Variants in RHCG observed in about 807,000 individuals in gnomAD.
The protein encoded by RHCG is Rh family C glycoprotein.
Under a neutral mutation model 55.3 loss-of-function variants are expected in RHCG, and 39 were observed. The observed-to-expected ratio is 0.70, with a 90% confidence interval of 0.55 to 0.92. The LOEUF (loss-of-function observed/expected upper bound fraction) is 0.92, where lower values mean the gene tolerates loss of function less well. Ranked by LOEUF, RHCG falls within the 40% of genes least tolerant of loss-of-function variation. The pLI is 0.00. For missense variants in RHCG, 635 were observed against 627.9 expected (o/e 1.01, Z -0.12); for synonymous variants, 250 against 246.8 (o/e 1.01, Z -0.12).
chr15:89,487,234 G>A (rs1184782677), intron 1 of RHCG, among the ~76,000 whole-genome samples: 1 of 152,178 alleles, frequency 6.6e-6, no homozygotes, highest in Non-Finnish European at 1.5e-5. Context: ...AGGCGCTGGG[G>A]GGGACCCGAG....
intron 1 of RHCG, among the ~76,000 whole-genome samples, chr15:89,491,460 A>G (rs138280228): frequency 4.3e-4 from 65 of 152,318 alleles, no homozygotes; most frequent in African/African-American, 1.5e-3. Context: ...TTCATAAAGT[A>G]TGATGCTACC....
chr15:89,478,412 G>A (rs1449821823), intron 5 of RHCG, among the ~76,000 whole-genome samples: 1 of 152,214 alleles, frequency 6.6e-6, no homozygotes, highest in African/African-American at 2.4e-5. Flanking sequence ...CCTGTACCAG[G>A]TACCGTGCTG....
rs369835791 is a variant in RHCG at position 89,479,256 on chromosome 15, G to A, written c.837+66C>T. Reference sequence around the variant, plus strand: ...TGATCCCCTCAGAGGTGTTGGCAAGGCATGGTGATCAGCGCCCTCCAGGCC... The same window carrying A: ...TGATCCCCTCAGAGGTGTTGGCAAGACATGGTGATCAGCGCCCTCCAGGCC... On this transcript the variant is annotated intron_variant, in intron 5 of 10. Coordinates refer to ENST00000268122, the MANE Select transcript of RHCG (RefSeq NM_016321.3). 1.4e-5 allele frequency: 22 copies of A among 1,530,786 alleles called. No homozygotes were observed. In the African/African-American group the frequency reaches 2.6e-4, roughly 18 times the overall value. 94.8% of individuals were successfully genotyped at this position (1,530,786 alleles called of 1,614,324 possible). A position where few individuals can be genotyped will look rare whatever the true frequency, so the allele number is the denominator to read the frequency against.
rs760903375 is a variant in RHCG, at chr15:89,479,411, C to T, written c.748G>A (p.Ala250Thr). ...GCCAAGGAGCAGTAGGTGTTGATGG[C>T]GGCTCGGTGCTGGCTGTCCCCATGG... ...SYHGDSQHRA[A>T]INTYCSLAAC... Residue 250 changes from alanine to threonine, a missense_variant, in exon 5 of 11, where the codon GCC becomes ACC. Ala to Thr is a moderately conservative substitution (Grantham distance 58). Transcript: ENST00000268122. 12 of 1,614,014 alleles carry T rather than the reference C, an allele frequency of 7.4e-6. No homozygotes were observed. The Middle Eastern group carries it at 4.9e-4, about 66-fold the overall frequency.
chr15:89,485,854 T>TAAAA, intron 2 of RHCG, among the ~76,000 whole-genome samples: 1 of 152,208 alleles, frequency 6.6e-6, no homozygotes, highest in Admixed American at 6.5e-5. Context: ...TGCTATAGGT[T>TAAAA]TCATAAGTTG....
In RHCG at chr15:89,477,736, C is replaced by A; in HGVS notation, c.976-83G>T. On this transcript the variant is annotated intron_variant, in intron 6 of 10. Transcript: ENST00000268122. This position sits in a 1 kb window ranked among gnomAD's most constrained non-coding sequence, Gnocchi z 4.5. ...GCCGGGATTCCAGAGACCCAGGATT[C>A]TCTAGCCCTCAGCCCCCTCCCTAGG... The A allele has an allele frequency of 1.2e-6, 2 of 1,603,940 alleles. No individual in the cohort carries two copies. Among genetic ancestry groups the A allele is most frequent in the South Asian group, 1.1e-5 (1 of 90,368 alleles).
At chr15:89,489,632 G>A (rs935390439) in intron 1 of RHCG, among the ~76,000 whole-genome samples, 1 of 152,038 alleles carries the variant, frequency 6.6e-6, no homozygotes, top group South Asian at 2.1e-4. Flanking sequence ...ACCTCCCCCG[G>A]TGCTCCAGCT....
chr15:89,476,611 T>G lies in RHCG; in HGVS notation c.1311+144A>C, dbSNP rs143538383. ...TCTTCAACCTCCATGAGACACAGCCTCCCCCGATGAAGAAGTAGGGTAATG... is the reference window on the plus strand; with the variant it reads ...TCTTCAACCTCCATGAGACACAGCCGCCCCCGATGAAGAAGTAGGGTAATG... On this transcript the variant is annotated intron_variant, in intron 9 of 10. Transcript: ENST00000268122. 3.2e-3 allele frequency: 2,167 copies of G among 668,038 alleles called. 37 individuals carry two copies. The African/African-American group carries it at 0.034, about 10-fold the overall frequency. 41.4% of individuals were successfully genotyped at this position (668,038 alleles called of 1,614,324 possible).
chr15:89,494,598 C>T (rs528423959), intron 1 of RHCG, among the ~76,000 whole-genome samples: 5 of 151,502 alleles, frequency 3.3e-5, no homozygotes, highest in African/African-American at 1.2e-4. Context: ...TTCTGCAGCT[C>T]CTATTATAGG....
At position 89,477,522 on chromosome 15, in the gene RHCG, T is replaced by C. The variant is rs756690350; in HGVS notation, c.1107A>G (p.Lys369=). 2.2e-5 allele frequency: 35 copies of C among 1,614,074 alleles called. No homozygotes were observed. In the South Asian group the frequency reaches 3.8e-4, roughly 18 times the overall value. The change falls in exon 7 of 11, where the codon AAA becomes AAG. Residue 369 remains lysine, a synonymous_variant. Coordinates refer to ENST00000268122, the MANE Select transcript of RHCG (RefSeq NM_016321.3). This position sits in a 1 kb window ranked among gnomAD's most constrained non-coding sequence, Gnocchi z 4.5. ...AASASLEVYG[K]EGLVHSFDFQ... ...CGCACCTCCTCCACATTTACCCTTC[T>C]TTTCCATAGACTTCAAGGCTGGCGG...
At chr15:89,484,884 G>A (rs910718111) in intron 2 of RHCG, among the ~76,000 whole-genome samples, 1 of 152,064 alleles carries the variant, frequency 6.6e-6, no homozygotes, top group African/African-American at 2.4e-5. Flanking sequence ...CAGGAGGGCC[G>A]AGGAAGCTTG....
At chr15:89,473,281 C>T (rs934634865) in intron 9 of RHCG, among the ~76,000 whole-genome samples, 1 of 152,162 alleles carries the variant, frequency 6.6e-6, no homozygotes, top group Non-Finnish European at 1.5e-5. Flanking sequence ...GCTCTGTAAA[C>T]TGCAGACAGG....
At chr15:89,472,982 C>A (rs1397465720) in intron 9 of RHCG, 119 bp from the exon 10 acceptor site, 2 of 1,162,244 alleles carry the variant, frequency 1.7e-6, no homozygotes, top group East Asian at 5.9e-5. Context: ...GATCGCCGTG[C>A]GGATCACATG....
intron 1 of RHCG, among the ~76,000 whole-genome samples, chr15:89,489,813 C>G (rs1376347786): frequency 1.3e-5 from 2 of 152,202 alleles, no homozygotes; most frequent in Non-Finnish European, 2.9e-5. Context: ...CCCCCTATGG[C>G]ACCCTGTTTT....
chr15:89,474,924 GCCTGCCTT>G (rs1355374620), intron 9 of RHCG, among the ~76,000 whole-genome samples: 40 of 106,912 alleles, frequency 3.7e-4, no homozygotes, highest in South Asian at 5.9e-4. Flanking sequence ...CTTCCTGCCT[GCCTGCCTT>G]CCTGCCTTCC....
chr15:89,472,703 A>G lies in RHCG; in HGVS notation c.*24+8T>C. On this transcript the variant is annotated splice_region_variant and intron_variant, in intron 10 of 10. Coordinates refer to ENST00000268122, the MANE Select transcript of RHCG (RefSeq NM_016321.3). ...CCCTGTCATCCCCCAAGCCAAGCCC[A>G]TGCTCACCTGCTCCTCACCTGCCCT... The G allele has an allele frequency of 1.9e-6, 3 of 1,609,572 alleles. No homozygotes were observed. Among genetic ancestry groups the G allele is most frequent in the Non-Finnish European group, 2.5e-6 (3 of 1,177,720 alleles).
chr15:89,480,238 T>A lies in RHCG; in HGVS notation c.670+23A>T. The A allele has an allele frequency of 1.9e-6, 3 of 1,613,370 alleles. No individual in the cohort carries two copies. In the South Asian group the frequency reaches 3.3e-5, roughly 18 times the overall value. On this transcript the variant is annotated intron_variant, in intron 4 of 10. Coordinates refer to ENST00000268122, the MANE Select transcript of RHCG (RefSeq NM_016321.3). ...CCACCTTCACCCATCATGGTGGCCC[T>A]CGGTCATGATGGCAGTTCTCACCAA...
At chr15:89,482,376 AAATTACAAAATG>A (rs1961283533) in intron 3 of RHCG, among the ~76,000 whole-genome samples, 1 of 152,198 alleles carries the variant, frequency 6.6e-6, no homozygotes, top group African/African-American at 2.4e-5. Flanking sequence ...TAGCTGAAAA[AAATTACAAAATG>A]AATGACTGAA....
intron 1 of RHCG, among the ~76,000 whole-genome samples, chr15:89,494,448 T>C (rs939660774): frequency 6.6e-6 from 1 of 152,020 alleles, no homozygotes; most frequent in Non-Finnish European, 1.5e-5. Flanking sequence ...CTGATGATGA[T>C]AAATTGTATG....
Sources: allele counts gnomAD v4.1 joint callset (sites outside exome capture counted in the v4.1 genomes callset), GRCh38; gene constraint gnomAD v4.1.1; non-coding constraint Gnocchi (gnomAD v3.1); transcripts MANE v1.5; gene names NCBI Gene and HGNC (gene_info 2026-07-23, HGNC 2026-07-21).